Variants in SPAG16 observed in about 807,000 individuals in gnomAD.
SPAG16 encodes sperm associated antigen 16, also known as sperm-associated antigen 16 protein.
Under a neutral mutation model 80.4 loss-of-function variants are expected in SPAG16, and 86 were observed. The ratio of observed to expected loss-of-function variants is 1.07; its 90% confidence interval spans 0.90 to 1.28. The LOEUF is 1.28. Ranked by LOEUF, SPAG16 falls within the 50% of genes most tolerant of loss-of-function variation. The pLI, the probability that SPAG16 is intolerant of heterozygous loss-of-function variation, is 0.00. For synonymous variants in SPAG16, 294 were observed against 265.9 expected, an observed-to-expected ratio of 1.11 and a Z score of -1.03; for missense variants, 870 against 765.3, an observed-to-expected ratio of 1.14 and a Z score of -1.61.
intron 10 of SPAG16, among the ~76,000 whole-genome samples, chr2:213,684,085 A>T (rs934041572): frequency 7.9e-5 from 12 of 152,246 alleles, no homozygotes; most frequent in African/African-American, 2.9e-4. Context: ...AGTTGTCAGC[A>T]TTGCCTGTCA....
At chr2:213,362,723 C>T (rs1327529818) in intron 7 of SPAG16, among the ~76,000 whole-genome samples, 1 of 152,150 alleles carries the variant, frequency 6.6e-6, no homozygotes, top group Non-Finnish European at 1.5e-5. Context: ...TTGTCAAGGA[C>T]ATTAAAATCA....
intron 9 of SPAG16, among the ~76,000 whole-genome samples, chr2:213,420,620 T>C (rs1249048073): frequency 6.6e-6 from 1 of 152,254 alleles, no homozygotes; most frequent in Non-Finnish European, 1.5e-5. Context: ...AATAATTGTC[T>C]TAAGGCCATA....
chr2:214,092,499 A>G (rs949032877), intron 13 of SPAG16, among the ~76,000 whole-genome samples: 2 of 139,722 alleles, frequency 1.4e-5, no homozygotes, highest in Non-Finnish European at 3.2e-5. Flanking sequence ...CTATGAATAT[A>G]TATATAAATA....
At chr2:213,501,291 G>A (rs2074732500) in intron 10 of SPAG16, among the ~76,000 whole-genome samples, 1 of 152,112 alleles carries the variant, frequency 6.6e-6, no homozygotes, top group Non-Finnish European at 1.5e-5. Flanking sequence ...TTGATATTAG[G>A]TATCATTTTC....
At chr2:213,556,297 C>CAA (rs35316956) in intron 10 of SPAG16, among the ~76,000 whole-genome samples, 88 of 79,332 alleles carry the variant, frequency 1.1e-3, no homozygotes, top group East Asian at 3.9e-3. Flanking sequence ...CTGAATGGGT[C>CAA]AAAAAAAAAA....
intron 10 of SPAG16, among the ~76,000 whole-genome samples, chr2:213,821,401 ATTAAG>A (rs1278783138): frequency 1.3e-5 from 2 of 152,106 alleles, no homozygotes; most frequent in Non-Finnish European, 2.9e-5. Context: ...TTAGGTTGTT[ATTAAG>A]TTCTTTTTTA....
At chr2:214,061,859 T>C (rs1176234221) in intron 13 of SPAG16, among the ~76,000 whole-genome samples, 1 of 151,962 alleles carries the variant, frequency 6.6e-6, no homozygotes, top group Non-Finnish European at 1.5e-5. Flanking sequence ...AAGGCAAGAC[T>C]CAAAAGGATG....
intron 9 of SPAG16, among the ~76,000 whole-genome samples, chr2:213,377,350 A>G (rs191435291): frequency 5.9e-5 from 9 of 152,348 alleles, no homozygotes; most frequent in African/African-American, 1.4e-4. Flanking sequence ...TATGTGACCT[A>G]CTGACTCTTA....
At chr2:213,420,394 T>C (rs1311824913) in intron 9 of SPAG16, among the ~76,000 whole-genome samples, 1 of 152,160 alleles carries the variant, frequency 6.6e-6, no homozygotes, top group Non-Finnish European at 1.5e-5. Flanking sequence ...GTTTTTGAGA[T>C]GACAAAAAGA....
At chr2:213,973,322 A>T (rs975452236) in intron 12 of SPAG16, among the ~76,000 whole-genome samples, 1 of 151,834 alleles carries the variant, frequency 6.6e-6, no homozygotes, top group African/African-American at 2.4e-5. Flanking sequence ...CTTTTACCTC[A>T]GTTGGCTGCA....
At chr2:214,221,488 A>G (rs1461198948) in intron 15 of SPAG16, among the ~76,000 whole-genome samples, 1 of 152,214 alleles carries the variant, frequency 6.6e-6, no homozygotes, top group Non-Finnish European at 1.5e-5. Context: ...TATCTTAAAT[A>G]AACCTACAAA....
chr2:213,720,535 G>T (rs1173407353), intron 10 of SPAG16, among the ~76,000 whole-genome samples: 1 of 151,226 alleles, frequency 6.6e-6, no homozygotes, highest in Non-Finnish European at 1.5e-5. Flanking sequence ...CTACTCCGAA[G>T]GCTGAGGCAG....
At chr2:213,549,397 A>G (rs1299346957) in intron 10 of SPAG16, among the ~76,000 whole-genome samples, 2 of 152,152 alleles carry the variant, frequency 1.3e-5, no homozygotes, top group Non-Finnish European at 2.9e-5. Context: ...TCTCATCAAC[A>G]TGTCTAAAAT....
chr2:213,525,409 C>T (rs980083468), intron 10 of SPAG16, among the ~76,000 whole-genome samples: 1 of 151,482 alleles, frequency 6.6e-6, no homozygotes, highest in African/African-American at 2.4e-5. Context: ...CTGCCTCAGC[C>T]TCCCAAGTAG....
chr2:213,889,046 T>C (rs2076675959), intron 11 of SPAG16, among the ~76,000 whole-genome samples: 1 of 151,948 alleles, frequency 6.6e-6, no homozygotes, highest in South Asian at 2.1e-4. Flanking sequence ...CTTTAAGGGA[T>C]TTTTTTAAAG....
At chr2:213,790,117 G>A (rs2070597980) in intron 10 of SPAG16, among the ~76,000 whole-genome samples, 1 of 151,692 alleles carries the variant, frequency 6.6e-6, no homozygotes, top group Non-Finnish European at 1.5e-5. Context: ...TTCCCCAGTG[G>A]AGTACCTTTG....
intron 5 of SPAG16, among the ~76,000 whole-genome samples, chr2:213,318,581 A>G (rs536793660): frequency 6.6e-6 from 1 of 152,056 alleles, no homozygotes; most frequent in East Asian, 1.9e-4. Context: ...CCCAGACTTC[A>G]TCACTATGCA....
chr2:213,986,851 TG>T, intron 12 of SPAG16, among the ~76,000 whole-genome samples: 1 of 120,582 alleles, frequency 8.3e-6, no homozygotes, highest in South Asian at 2.5e-4. Flanking sequence ...GCCAATTAAC[TG>T]AAAACAGTTT....
At chr2:214,124,652 C>T (rs1274751502) in intron 14 of SPAG16, among the ~76,000 whole-genome samples, 3 of 151,726 alleles carry the variant, frequency 2.0e-5, no homozygotes, top group Non-Finnish European at 1.5e-5. Context: ...GTAATTTTCC[C>T]CACTTAATTG....
Sources: gnomAD v4.1 joint callset for allele counts (sites outside exome capture counted in the v4.1 genomes callset) on GRCh38, gnomAD v4.1.1 for gene constraint, MANE v1.5 for transcripts, NCBI Gene and HGNC (gene_info 2026-07-23, HGNC 2026-07-21) for gene names.